The following GFM1 variants were observed in gnomAD, a reference collection of about 807,000 sequenced individuals.
GFM1 encodes the protein elongation factor G, mitochondrial.
A neutral mutation model predicts 96.2 loss-of-function variants in GFM1; 62 were observed. The observed-to-expected ratio is 0.64, with a 90% CI of 0.53 to 0.80. GFM1 has a LOEUF of 0.80. GFM1 is among the 30% of genes least tolerant of loss of function. The pLI is 0.00. For synonymous variants in GFM1, 282 were observed against 312.9 expected, an observed-to-expected ratio of 0.90 and a Z score of 1.04; for missense variants, 852 against 916.6, an observed-to-expected ratio of 0.93 and a Z score of 0.91.
At chr3:158,653,492 G>A in intron 7 of GFM1, 25 bp downstream of exon 7, 3 of 1,562,768 alleles carry the variant, frequency 1.9e-6, no homozygotes, top group South Asian at 2.2e-5. Context: ...TTGAATCTTA[G>A]TTTATGCAGA....
chr3:158,666,347 CA>C lies in GFM1; in HGVS notation c.1566del (p.Val523LeufsTer30). On this transcript the variant is annotated frameshift_variant, in exon 13 of 18. Coordinates refer to ENST00000486715, the MANE Select transcript of GFM1 (RefSeq NM_024996.7). LOFTEE classifies it high-confidence loss of function. ...GGCTGTCCTTGTATCACAGGAAAGC[CA>C]AAAGTTGCCTTTCGAGAGACCATTA... ...EYGCPCITGK[P>X]KVAFRETITA... is the part of the protein sequence containing the mutation. 1.9e-6 allele frequency: 3 copies of C among 1,613,664 alleles called. No homozygotes were observed. Among genetic ancestry groups the C allele is most frequent in the Non-Finnish European group, 1.7e-6 (2 of 1,179,836 alleles).
chr3:158,659,702 A>G (rs6779780), intron 9 of GFM1, among the ~76,000 whole-genome samples: 57,677 of 152,024 alleles, frequency 0.38, 11,364 homozygotes, highest in African/African-American at 0.47. Context: ...GAGTGCCTGA[A>G]TTTGTCCCCT....
At chr3:158,685,703 T>C (rs1165881134) in intron 15 of GFM1, among the ~76,000 whole-genome samples, 1 of 152,158 alleles carries the variant, frequency 6.6e-6, no homozygotes, top group African/African-American at 2.4e-5. Context: ...CTATTAAAAA[T>C]GCAGTTGAAA....
At chr3:158,659,362 T>C (rs1723011963) in intron 9 of GFM1, among the ~76,000 whole-genome samples, 1 of 152,226 alleles carries the variant, frequency 6.6e-6, no homozygotes, top group Non-Finnish European at 1.5e-5. Context: ...CCTCAAGAAC[T>C]ATTATTACAA....
intron 8 of GFM1, chr3:158,655,756 T>C (rs914557616): frequency 4.5e-6 from 2 of 440,798 alleles, no homozygotes; most frequent in African/African-American, 4.1e-5. Context: ...GGGCCAATAC[T>C]GATATATTAT....
intron 13 of GFM1, chr3:158,672,773 T>G: frequency 3.2e-6 from 1 of 314,566 alleles, no homozygotes; most frequent in Non-Finnish European, 6.2e-6. Flanking sequence ...GCCAGCATGC[T>G]TGTCAGGCAC....
At chr3:158,681,386 G>A (rs962296879) in intron 13 of GFM1, among the ~76,000 whole-genome samples, 14 of 152,116 alleles carry the variant, frequency 9.2e-5, no homozygotes, top group Non-Finnish European at 1.5e-5. Flanking sequence ...TATTAATGTT[G>A]CCATTAGTGG....
intron 13 of GFM1, chr3:158,670,964 A>G: frequency 6.5e-7 from 1 of 1,538,394 alleles, no homozygotes; most frequent in Non-Finnish European, 8.7e-7. Flanking sequence ...TACTTTTTGT[A>G]TAATTTCTTC....
At chr3:158,685,697 T>TA (rs1725780602) in intron 15 of GFM1, among the ~76,000 whole-genome samples, 1 of 152,148 alleles carries the variant, frequency 6.6e-6, no homozygotes, top group Non-Finnish European at 1.5e-5. Flanking sequence ...AGCTCTCTAT[T>TA]AAAAATGCAG....
chr3:158,658,970 C>G lies in GFM1; in HGVS notation c.1132C>G (p.Leu378Val), dbSNP rs755804836. 79 of 1,613,942 alleles carry G rather than the reference C, an allele frequency of 4.9e-5. No individual in the cohort carries two copies. The highest frequency in any genetic ancestry group is 6.2e-5 in the Non-Finnish European group (73 of 1,179,966). Reference protein sequence around the residue: ...LTYVRSYQGELKKGDTIYNTR... With the variant: ...LTYVRSYQGEVKKGDTIYNTR... ...TTATGTTCGCAGTTATCAGGGAGAG[C>G]TAAAGAAGGGTGACACCATCTATAA... The change falls in exon 9 of 18, where the codon CTA becomes GTA. Residue 378 changes from leucine (L) to valine (V), a missense_variant. By Grantham distance (32) the Leu-to-Val change is conservative. Transcript: ENST00000486715.
chr3:158,683,037 A>AG (rs1725545748), intron 14 of GFM1, among the ~76,000 whole-genome samples: 1 of 131,846 alleles, frequency 7.6e-6, no homozygotes, highest in African/African-American at 3.1e-5. Context: ...TCCAAAATGG[A>AG]AAAAAAAAAA....
Position 158,692,696 on chromosome 3 carries a change from A to C in GFM1, c.*1229A>C, listed in dbSNP as rs755239023. 7 of 149,286 alleles carry C rather than the reference A, an allele frequency of 4.7e-5. No individual in the cohort carries two copies. Among genetic ancestry groups the C allele is most frequent in the Non-Finnish European group, 1.0e-4 (7 of 67,216 alleles). The allele number at this position is 149,286 out of a possible 1,614,324, so 9.2% of individuals were successfully genotyped here. On this transcript the variant is annotated 3_prime_UTR_variant, in exon 18 of 18. Coordinates refer to ENST00000486715, the MANE Select transcript of GFM1 (RefSeq NM_024996.7). ...TTTGCTAAATACTTTTTTTTTTTTA[A>C]TTTTTATTTTTTTGTGGTAGGGTCT... is the stretch of plus-strand genomic sequence containing the variant.
intron 3 of GFM1, 90 bp downstream of exon 3, chr3:158,646,387 T>A (rs779634587): frequency 1.5e-6 from 2 of 1,319,770 alleles, no homozygotes; most frequent in Non-Finnish European, 2.2e-6. Context: ...TTTTTGATTG[T>A]CAAATACTCA....
intron 5 of GFM1, among the ~76,000 whole-genome samples, chr3:158,651,841 A>G (rs1454192148): frequency 6.6e-6 from 1 of 151,804 alleles, no homozygotes; most frequent in African/African-American, 2.4e-5. Flanking sequence ...TTTTCTCATT[A>G]TAGTGGACTG....
chr3:158,656,839 G>T (rs905896003), intron 8 of GFM1: 2 of 152,204 alleles, frequency 1.3e-5, no homozygotes, highest in Non-Finnish European at 1.5e-5. Flanking sequence ...GGAACTCTCA[G>T]TTGGCTCCTG....
rs1576748042 is a variant in GFM1, at chr3:158,660,812, T to C, written c.1222-62T>C. ...TGTGTGTACTGTACAGTTTACTTTT[T>C]AGTTACCACATCTTTATTTGTATTA... On this transcript the variant is annotated intron_variant, in intron 9 of 17. Transcript: ENST00000486715. 4 of 1,397,114 alleles carry C rather than the reference T, an allele frequency of 2.9e-6. No homozygotes were observed. In the East Asian group the frequency reaches 9.1e-5, roughly 32 times the overall value. 86.5% of individuals were successfully genotyped at this position (1,397,114 alleles called of 1,614,324 possible).
At chr3:158,656,172 A>G in intron 8 of GFM1, 1 of 232,514 alleles carries the variant, frequency 4.3e-6, no homozygotes, top group African/African-American at 2.3e-5. Context: ...TATTTTTTTG[A>G]GATGAGATTT....
At chr3:158,675,045 T>G (rs1307824080) in intron 13 of GFM1, among the ~76,000 whole-genome samples, 1 of 152,188 alleles carries the variant, frequency 6.6e-6, no homozygotes, top group Non-Finnish European at 1.5e-5. Context: ...TCCCAGCACT[T>G]TGGGAGGCCA....
Position 158,653,385 on chromosome 3 carries a change from G to C in GFM1, c.916G>C (p.Val306Leu). ...FLGSALKNKG[V>L]QPLLDAVLEY... ...GGGAAGCGCCTTGAAGAACAAAGGA[G>C]TTCAGCCTCTTTTAGATGCTGTTTT... Residue 306 changes from valine (V) to leucine (L), a missense_variant, in exon 7 of 18, where the codon GTT (valine) becomes CTT (leucine). Physicochemically the swap from Val to Leu is conservative, Grantham distance 32. Coordinates refer to ENST00000486715, the MANE Select transcript of GFM1 (RefSeq NM_024996.7). 6.2e-7 allele frequency: 1 copy of C among 1,612,578 alleles called. No individual in the cohort carries two copies. Among genetic ancestry groups the C allele is most frequent in the Non-Finnish European group, 8.5e-7 (1 of 1,178,620 alleles).
Sources: gnomAD v4.1 joint callset for allele counts (sites outside exome capture counted in the v4.1 genomes callset) on GRCh38, gnomAD v4.1.1 for gene constraint, MANE v1.5 for transcripts, NCBI Gene and HGNC (gene_info 2026-07-23, HGNC 2026-07-21) for gene names.